WDR36: variants seen among roughly 807,000 people sequenced by gnomAD.
WDR36 encodes the protein WD repeat domain 36.
A neutral mutation model predicts 112.7 loss-of-function variants in WDR36; 63 were observed. That is an observed-to-expected ratio of 0.56 (90% CI 0.46 to 0.69). WDR36 has a LOEUF of 0.69. Ranked by LOEUF, WDR36 falls within the 30% of genes least tolerant of loss-of-function variation. The pLI is 0.00. For missense variants in WDR36, 1,226 were observed against 1,070.3 expected, an observed-to-expected ratio of 1.15 and a Z score of -2.03; for synonymous variants, 410 against 362.2, an observed-to-expected ratio of 1.13 and a Z score of -1.50.
rs755721172 is a variant in WDR36 at position 111,125,781 on chromosome 5, G to A, written c.2524G>A (p.Ala842Thr). The A allele has an allele frequency of 6.2e-6, 10 of 1,613,722 alleles. No individual in the cohort carries two copies. In the South Asian group the frequency reaches 1.1e-4, roughly 18 times the overall value. The change falls in exon 22 of 23, where the codon GCA becomes ACA. Residue 842 changes from alanine to threonine, a missense_variant. Transcript: ENST00000513710. ...TTTTGAGTTAGCCCAGGCATACCTT[G>A]CATTGTTTCTAAAGGTAAGTCTAAT... ...RDFELAQAYL[A>T]LFLKLHLKML...
chr5:111,097,709 G>T (rs1224524274), intron 3 of WDR36, among the ~76,000 whole-genome samples: 5 of 152,192 alleles, frequency 3.3e-5, no homozygotes, highest in Non-Finnish European at 7.4e-5. Flanking sequence ...GTTGGTTTCT[G>T]AATTTGTCCT....
intron 7 of WDR36, 61 bp downstream of exon 7, chr5:111,103,979 G>C (rs770390682): frequency 6.9e-6 from 11 of 1,594,428 alleles, no homozygotes; most frequent in Admixed American, 1.7e-5. Flanking sequence ...TACTTTAAAA[G>C]TCAATTTTTT....
chr5:111,129,552 A>G lies in WDR36; in HGVS notation c.*2669A>G, dbSNP rs770321734. 5.0e-6 allele frequency: 1 copy of G among 201,680 alleles called. No individual in the cohort carries two copies. Among genetic ancestry groups the G allele is most frequent in the South Asian group, 1.9e-4 (1 of 5,262 alleles). The allele number at this position is 201,680 out of a possible 1,614,324, so 12.5% of individuals were successfully genotyped here. A position where few individuals can be genotyped will look rare whatever the true frequency, so the allele number is the denominator to read the frequency against. On this transcript the variant is annotated 3_prime_UTR_variant, in exon 23 of 23. Transcript: ENST00000513710. Reference sequence around the variant, plus strand: ...ATTTTCTTTTTCCTCTCATTTTTCTATTGAATGATTTGTCCTTTTATCTCA... The same window carrying G: ...ATTTTCTTTTTCCTCTCATTTTTCTGTTGAATGATTTGTCCTTTTATCTCA...
intron 3 of WDR36, 41 bp from the exon 4 acceptor site, chr5:111,098,681 T>A (rs774100562): frequency 8.1e-7 from 1 of 1,227,494 alleles, no homozygotes; most frequent in Non-Finnish European, 1.2e-6. Context: ...ACATGATGAC[T>A]GAGTAATAAT....
chr5:111,128,646 G>A lies in WDR36; in HGVS notation c.*1763G>A, dbSNP rs1185596369. On this transcript the variant is annotated 3_prime_UTR_variant, in exon 23 of 23. Coordinates refer to ENST00000513710, the MANE Select transcript of WDR36 (RefSeq NM_139281.3). ...AACCGAATTTTCTTCTCTTTTTAAA[G>A]TGAGCATAAAGACTTAAGTGTATTG... The A allele has an allele frequency of 2.7e-5, 5 of 181,872 alleles. No homozygotes were observed. Among genetic ancestry groups the A allele is most frequent in the African/African-American group, 1.2e-4 (5 of 42,520 alleles). The allele number at this position is 181,872 out of a possible 1,614,324, so 11.3% of individuals were successfully genotyped here. A position where few individuals can be genotyped will look rare whatever the true frequency, so the allele number is the denominator to read the frequency against.
intron 19 of WDR36, among the ~76,000 whole-genome samples, chr5:111,121,770 A>G (rs1490042317): frequency 1.2e-4 from 18 of 152,182 alleles, no homozygotes; most frequent in Non-Finnish European, 7.4e-5. Flanking sequence ...AGTATGTTTT[A>G]TGATCCCCCA....
chr5:111,110,696 A>T, intron 13 of WDR36, 92 bp from the exon 14 acceptor site: 1 of 1,360,336 alleles, frequency 7.4e-7, no homozygotes, highest in East Asian at 2.5e-5. Flanking sequence ...GTGGCACCTT[A>T]CATATTTGAA....
At position 111,099,462 on chromosome 5, in the gene WDR36, TG is replaced by T. The variant is rs35641467; in HGVS notation, c.409+624del. On this transcript the variant is annotated intron_variant, in intron 4 of 22. Transcript: ENST00000513710. ...CTTGGTTTTTTTTTGTTTTTTTTTTTGTTTTTTTTTTTTTTTTTTTTTCAGT... is the reference window on the plus strand; with the variant it reads ...CTTGGTTTTTTTTTGTTTTTTTTTTTTTTTTTTTTTTTTTTTTTTTTCAGT... Among the ~76,000 whole-genome samples, 373 of 65,620 alleles carry T rather than the reference TG, an allele frequency of 5.7e-3. 1 individual carries two copies. The highest frequency in any genetic ancestry group is 0.024 in the African/African-American group (281 of 11,692). The allele number at this position is 65,620 out of a possible 152,430, so 43.0% of individuals were successfully genotyped here.
At chr5:111,102,712 T>A (rs923806833) in intron 6 of WDR36, among the ~76,000 whole-genome samples, 7 of 151,686 alleles carry the variant, frequency 4.6e-5, no homozygotes, top group African/African-American at 1.7e-4. Context: ...GAAATGAGTG[T>A]TCAGCAATGC....
At chr5:111,114,043 A>G (rs1753405524) in intron 16 of WDR36, among the ~76,000 whole-genome samples, 1 of 152,132 alleles carries the variant, frequency 6.6e-6, no homozygotes, top group South Asian at 2.1e-4. Flanking sequence ...GTGTCTTCGG[A>G]TTTGGTTAAA....
At position 111,123,739 on chromosome 5, in the gene WDR36, A is replaced by G. The variant is rs1379138113; in HGVS notation, c.2149-66A>G. 4 of 1,584,214 alleles carry G rather than the reference A, an allele frequency of 2.5e-6. No individual in the cohort carries two copies. The Admixed American group carries it at 5.2e-5, about 21-fold the overall frequency. ...TGGTATTTGTTTTAAAATTGATTTG[A>G]AATTAAATATGAGAAACTGTTGGCA... On this transcript the variant is annotated intron_variant, in intron 19 of 22. Coordinates refer to ENST00000513710, the MANE Select transcript of WDR36 (RefSeq NM_139281.3).
chr5:111,095,585 C>G (rs959995007), intron 2 of WDR36, among the ~76,000 whole-genome samples: 9 of 152,132 alleles, frequency 5.9e-5, no homozygotes, highest in Admixed American at 2.0e-4. Context: ...GCTCCTAAGT[C>G]TGAAACTTTT....
intron 1 of WDR36, among the ~76,000 whole-genome samples, chr5:111,094,032 GAA>G (rs143062290): frequency 2.0e-5 from 3 of 148,672 alleles, no homozygotes; most frequent in Admixed American, 1.3e-4. Context: ...GGAGTAAAAA[GAA>G]AAAAAAAAGG....
intron 1 of WDR36, among the ~76,000 whole-genome samples, chr5:111,094,205 T>C (rs114067422): frequency 0.011 from 1,615 of 152,312 alleles, 28 homozygotes; most frequent in African/African-American, 0.036. Context: ...GTGATGGTAG[T>C]AGCTATCATG....
At chr5:111,096,463 G>A (rs1389489716) in intron 2 of WDR36, among the ~76,000 whole-genome samples, 1 of 152,148 alleles carries the variant, frequency 6.6e-6, no homozygotes, top group Non-Finnish European at 1.5e-5. Flanking sequence ...CAGCACTTTG[G>A]AAGGCCGAGG....
At position 111,107,275 on chromosome 5, in the gene WDR36, G is replaced by A; in HGVS notation, c.1181-19G>A. The A allele has an allele frequency of 1.2e-6, 2 of 1,605,774 alleles. No individual in the cohort carries two copies. Among genetic ancestry groups the A allele is most frequent in the East Asian group, 2.2e-5 (1 of 44,548 alleles). ...CAGAATGAAAAGTAATTTGATTTAT[G>A]ATTTTCATTACGTTTTAGAGGAAGC... On this transcript the variant is annotated intron_variant, in intron 11 of 22. Transcript: ENST00000513710.
chr5:111,120,843 T>C (rs1420956027), intron 18 of WDR36, among the ~76,000 whole-genome samples, 153 bp from the exon 19 acceptor site: 1 of 151,990 alleles, frequency 6.6e-6, no homozygotes, highest in African/African-American at 2.4e-5. Flanking sequence ...TATGAGAAAA[T>C]AAGGAAAAGA....
rs930612228 is a variant in WDR36 at position 111,121,025 on chromosome 5, C to T, written c.2032C>T (p.Pro678Ser). The T allele has an allele frequency of 2.5e-6, 4 of 1,613,266 alleles. No individual in the cohort carries two copies. Among genetic ancestry groups the T allele is most frequent in the Non-Finnish European group, 3.4e-6 (4 of 1,179,520 alleles). ...DVEVSEETVEPSDELIEYDSP... is the reference protein window; with the variant it reads ...DVEVSEETVESSDELIEYDSP... ...AGAAGTATCAGAAGAAACAGTAGAA[C>T]CAAGTGATGAATTGATAGAATATGA... Residue 678 changes from proline to serine, a missense_variant, in exon 19 of 23, where the codon CCA (proline) becomes TCA (serine). Coordinates refer to ENST00000513710, the MANE Select transcript of WDR36 (RefSeq NM_139281.3).
chr5:111,121,936 G>T (rs1315272407), intron 19 of WDR36, among the ~76,000 whole-genome samples: 1 of 152,166 alleles, frequency 6.6e-6, no homozygotes, highest in Non-Finnish European at 1.5e-5. Context: ...CACAGTATGG[G>T]CTGTGGTAAA....
Sources: gnomAD v4.1 joint callset for allele counts (sites outside exome capture counted in the v4.1 genomes callset) on GRCh38, gnomAD v4.1.1 for gene constraint, MANE v1.5 for transcripts, NCBI Gene and HGNC (gene_info 2026-07-23, HGNC 2026-07-21) for gene names.